Variants in ITPR3 observed in about 807,000 individuals in gnomAD.
The protein encoded by ITPR3 is inositol 1,4,5-trisphosphate-gated calcium channel ITPR3.
Under a neutral mutation model 293.2 loss-of-function variants are expected in ITPR3, and 173 were observed. The observed-to-expected ratio is 0.59, with a 90% CI of 0.52 to 0.67. The LOEUF is 0.67. Ranked by LOEUF, ITPR3 falls within the 30% of genes least tolerant of loss-of-function variation. The pLI is 0.00. For synonymous variants in ITPR3, 1,295 were observed against 1,444.4 expected, an observed-to-expected ratio of 0.90 and a Z score of 2.35; for missense variants, 2,796 against 3,592.1, an observed-to-expected ratio of 0.78 and a Z score of 5.66.
At position 33,686,187 on chromosome 6, in the gene ITPR3, G is replaced by A. The variant is rs753540748; in HGVS notation, c.5802G>A (p.Val1934=). Residue 1934 remains valine (V), a synonymous_variant, in exon 42 of 58, where the codon GTG becomes GTA. Coordinates refer to ENST00000605930, the MANE Select transcript of ITPR3 (RefSeq NM_002224.4). ...GGCTCTACATCAATGAGGACAACGT[G>A]GGCCTCGTCATCCAGACCTTGGAGA... The part of the protein sequence containing the change: ...LLGLYINEDN[V]GLVIQTLETL... The A allele has an allele frequency of 4.3e-6, 7 of 1,614,012 alleles. No individual in the cohort carries two copies. Among genetic ancestry groups the A allele is most frequent in the South Asian group, 2.2e-5 (2 of 91,088 alleles).
rs777784099 is a variant in ITPR3, at chr6:33,686,199, C to T, written c.5814C>T (p.Ile1938=). 6.2e-7 allele frequency: 1 copy of T among 1,614,104 alleles called. No homozygotes were observed. Among genetic ancestry groups the T allele is most frequent in the Non-Finnish European group, 8.5e-7 (1 of 1,180,030 alleles). The change falls in exon 42 of 58, where the codon ATC becomes ATT. Residue 1938 remains isoleucine, a synonymous_variant. Transcript: ENST00000605930. The part of the protein sequence containing the change: ...YINEDNVGLV[I]QTLETLTEYC... ...ATGAGGACAACGTGGGCCTCGTCAT[C>T]CAGACCTTGGAGACCCTCACTGAGT...
chr6:33,679,304 G>A lies in ITPR3; in HGVS notation c.3972+465G>A, dbSNP rs1197902044. Among the ~76,000 whole-genome samples, 2 of 152,128 alleles carry A rather than the reference G, an allele frequency of 1.3e-5. No homozygotes were observed. The highest frequency in any genetic ancestry group is 6.5e-5 in the Admixed American group (1 of 15,276). On this transcript the variant is annotated intron_variant, in intron 30 of 57. Coordinates refer to ENST00000605930, the MANE Select transcript of ITPR3 (RefSeq NM_002224.4). The surrounding 1 kb of genome is among the most constrained non-coding windows in gnomAD (Gnocchi z 4.2). ...TCTCAACAGACACCTGTTGAGTGAAGGCACGAAGGATACAGGGCTGAGTCT... is the reference window on the plus strand; with the variant it reads ...TCTCAACAGACACCTGTTGAGTGAAAGCACGAAGGATACAGGGCTGAGTCT...
rs769275266 is a variant in ITPR3 at position 33,676,820 on chromosome 6, C to T, written c.3335C>T (p.Ser1112Leu). The T allele has an allele frequency of 3.1e-6, 5 of 1,614,018 alleles. No homozygotes were observed. Among genetic ancestry groups the T allele is most frequent in the African/African-American group, 1.3e-5 (1 of 74,922 alleles). Residue 1112 changes from serine (S) to leucine (L), a missense_variant, in exon 26 of 58, where the codon TCG becomes TTG. By Grantham distance (145) the Ser-to-Leu change is moderately radical. Transcript: ENST00000605930. ...QDVENYKVIK[S>L]ELDRLRTMVE... ...GTGGAGAACTACAAGGTGATCAAGTCGGAGCTGGACCGGCTGCGGACCATG... is the reference window on the plus strand; with the variant it reads ...GTGGAGAACTACAAGGTGATCAAGTTGGAGCTGGACCGGCTGCGGACCATG...
At chr6:33,665,257 C>T (rs759846703) in intron 13 of ITPR3, 44 bp downstream of exon 13, 2 of 1,587,716 alleles carry the variant, frequency 1.3e-6, no homozygotes, top group Admixed American at 1.8e-5. Context: ...ATCTTGCCCT[C>T]CCAGGGCCTG....
At position 33,689,356 on chromosome 6, in the gene ITPR3, C is replaced by T; in HGVS notation, c.6813C>T (p.Arg2271=). 6.2e-7 allele frequency: 1 copy of T among 1,612,414 alleles called. No homozygotes were observed. Among genetic ancestry groups the T allele is most frequent in the African/African-American group, 1.3e-5 (1 of 75,068 alleles). The change falls in exon 50 of 58, where the codon CGC becomes CGT. Residue 2271 remains arginine (R), a synonymous_variant. Coordinates refer to ENST00000605930, the MANE Select transcript of ITPR3 (RefSeq NM_002224.4). ...IRPLIVALIL[R]SIYYLGIGPT... ...CCCTCATCGTGGCGCTCATCCTGCG[C>T]TCCATCTACTATCTGGGCATCGGGC... is the stretch of plus-strand genomic sequence containing the variant.
chr6:33,694,421 G>T, intron 56 of ITPR3: 1 of 196,470 alleles, frequency 5.1e-6, no homozygotes, highest in Non-Finnish European at 1.0e-5. Flanking sequence ...CGACTCCTCT[G>T]TCCTGGGAAA....
rs753164175 is a variant in ITPR3, at chr6:33,680,024, T to A, written c.4115T>A (p.Leu1372Gln). The change falls in exon 31 of 58, where the codon CTG (leucine) becomes CAG (glutamine). Residue 1372 changes from leucine (L) to glutamine (Q), a missense_variant. Leu to Gln is a moderately radical substitution (Grantham distance 113, BLOSUM62 -2). Coordinates refer to ENST00000605930, the MANE Select transcript of ITPR3 (RefSeq NM_002224.4). The part of the protein sequence containing the change: ...LMYHISLVDL[L>Q]AACAEGKNVY... ...TACCACATTTCCCTGGTGGACCTGC[T>A]GGCCGCCTGTGCCGAGGGCAAAAAC... 6.2e-7 allele frequency: 1 copy of A among 1,613,882 alleles called. No homozygotes were observed. Among genetic ancestry groups the A allele is most frequent in the South Asian group, 1.1e-5 (1 of 91,080 alleles).
chr6:33,623,590 AGTGC>A (rs1209530995), intron 1 of ITPR3, among the ~76,000 whole-genome samples: 1 of 151,900 alleles, frequency 6.6e-6, no homozygotes, highest in African/African-American at 2.4e-5. Flanking sequence ...AGCCTTCCAA[AGTGC>A]GTGAACCACC....
chr6:33,683,405 TG>T lies in ITPR3; in HGVS notation c.4788+12del. 6.6e-7 allele frequency: 1 copy of T among 1,524,678 alleles called. No individual in the cohort carries two copies. Among genetic ancestry groups the T allele is most frequent in the South Asian group, 1.3e-5 (1 of 79,054 alleles). The allele number at this position is 1,524,678 out of a possible 1,614,324, so 94.4% of individuals were successfully genotyped here. A position where few individuals can be genotyped will look rare whatever the true frequency, so the allele number is the denominator to read the frequency against. ...ATCATTGAGAAGCTGCAGGTGGGTG[TG>T]GGGCTGCCTGGCATCTGCCTCGGGA... On this transcript the variant is annotated intron_variant, in intron 35 of 57. Transcript: ENST00000605930. The surrounding 1 kb of genome is among the most constrained non-coding windows in gnomAD (Gnocchi z 4.5).
rs1411565705 is a variant in ITPR3, at chr6:33,621,428, G to T, written c.-175G>T. On this transcript the variant is annotated 5_prime_UTR_variant, in exon 1 of 58. Transcript: ENST00000605930. This position sits in a 1 kb window ranked among gnomAD's most constrained non-coding sequence, Gnocchi z 7.7. The stretch of plus-strand genomic sequence containing the variant: ...CCTCCTCACCCGGACCCCGGGCCCC[G>T]CCGAGCCGCCTCCTGGCTCCCGTGG... The T allele has an allele frequency of 8.8e-6, 4 of 453,094 alleles. No individual in the cohort carries two copies. The highest frequency in any genetic ancestry group is 1.2e-5 in the Non-Finnish European group (3 of 257,050). The allele number at this position is 453,094 out of a possible 1,614,324, so 28.1% of individuals were successfully genotyped here.
chr6:33,621,913 T>C lies in ITPR3; in HGVS notation c.89+222T>C, dbSNP rs1247366995. Among the ~76,000 whole-genome samples, 2 of 152,118 alleles carry C rather than the reference T, an allele frequency of 1.3e-5. No individual in the cohort carries two copies. Among genetic ancestry groups the C allele is most frequent in the Non-Finnish European group, 2.9e-5 (2 of 68,018 alleles). Reference sequence around the variant, plus strand: ...CTGGAGTTGGCAGGAGGAGCCTCCCTCGGCGGCGCAGCCTCTACCCTCCCG... The same window carrying C: ...CTGGAGTTGGCAGGAGGAGCCTCCCCCGGCGGCGCAGCCTCTACCCTCCCG... On this transcript the variant is annotated intron_variant, in intron 1 of 57. Transcript: ENST00000605930. This position sits in a 1 kb window ranked among gnomAD's most constrained non-coding sequence, Gnocchi z 7.7.
Position 33,683,073 on chromosome 6 carries a change from TG to T in ITPR3, c.4598-126del, listed in dbSNP as rs57615419. On this transcript the variant is annotated intron_variant, in intron 34 of 57. Coordinates refer to ENST00000605930, the MANE Select transcript of ITPR3 (RefSeq NM_002224.4). The surrounding 1 kb of genome is among the most constrained non-coding windows in gnomAD (Gnocchi z 4.5). ...TCAGTCCCTCAAGCATAGGCCGGGGTGGGGGGGGTCTCTGTCTCCCAGACCC... is the reference window on the plus strand; with the variant it reads ...TCAGTCCCTCAAGCATAGGCCGGGGTGGGGGGGTCTCTGTCTCCCAGACCC... The T allele has an allele frequency of 0.7, 398,850 of 567,298 alleles. 142,953 individuals carry two copies. Among genetic ancestry groups the T allele is most frequent in the East Asian group, 0.93 (27,130 of 29,302 alleles). 35.1% of individuals were successfully genotyped at this position (567,298 alleles called of 1,614,324 possible). A position where few individuals can be genotyped will look rare whatever the true frequency, so the allele number is the denominator to read the frequency against.
At chr6:33,685,561 G>GT in intron 40 of ITPR3, 28 bp downstream of exon 40, 1 of 1,604,630 alleles carries the variant, frequency 6.2e-7, no homozygotes, top group Non-Finnish European at 8.5e-7. Flanking sequence ...GAGGCACGGC[G>GT]TGACGGGGAT....
At chr6:33,677,366 C>A in intron 27 of ITPR3, 138 bp from the exon 28 acceptor site, 3 of 1,186,512 alleles carry the variant, frequency 2.5e-6, no homozygotes, top group Non-Finnish European at 3.6e-6. Context: ...TAGCCTGTTG[C>A]AAGGGTCTGA....
In ITPR3 at chr6:33,684,514, C is replaced by T; in HGVS notation, c.5046+49C>T. Reference sequence around the variant, plus strand: ...GCTGGGTGGGCCAGTCAGGAGTACCCAGGGGCTCAGGGTCAAGCCCGTCAG... The same window carrying T: ...GCTGGGTGGGCCAGTCAGGAGTACCTAGGGGCTCAGGGTCAAGCCCGTCAG... On this transcript the variant is annotated intron_variant, in intron 37 of 57. Coordinates refer to ENST00000605930, the MANE Select transcript of ITPR3 (RefSeq NM_002224.4). The surrounding 1 kb of genome is among the most constrained non-coding windows in gnomAD (Gnocchi z 4.2). 1 of 1,604,920 alleles carries T rather than the reference C, an allele frequency of 6.2e-7. No homozygotes were observed. The highest frequency in any genetic ancestry group is 8.5e-7 in the Non-Finnish European group (1 of 1,171,806).
intron 1 of ITPR3, among the ~76,000 whole-genome samples, chr6:33,637,762 G>A (rs1179912667): frequency 6.6e-6 from 1 of 151,902 alleles, no homozygotes; most frequent in East Asian, 1.9e-4. Flanking sequence ...CGAGTAGCTG[G>A]GGTTACAAGA....
In ITPR3 at chr6:33,675,760, C is replaced by T. The variant is rs1280406742; in HGVS notation, c.3186C>T (p.Leu1062=). ...TGTTCCTGCGCGTGCTCATCCACCT[C>T]ACCATGCACGACTATGCGCCGCTGG... ...GRMFLRVLIH[L]TMHDYAPLVS... Residue 1062 remains leucine, a synonymous_variant, in exon 25 of 58, where the codon CTC becomes CTT. Coordinates refer to ENST00000605930, the MANE Select transcript of ITPR3 (RefSeq NM_002224.4). This position sits in a 1 kb window ranked among gnomAD's most constrained non-coding sequence, Gnocchi z 5.0. 6.2e-7 allele frequency: 1 copy of T among 1,613,242 alleles called. No homozygotes were observed. Among genetic ancestry groups the T allele is most frequent in the Admixed American group, 1.7e-5 (1 of 60,006 alleles).
At chr6:33,668,051 C>T in intron 16 of ITPR3, 87 bp downstream of exon 16, 4 of 1,457,606 alleles carry the variant, frequency 2.7e-6, no homozygotes, top group East Asian at 2.3e-5. Flanking sequence ...GTGAACTATT[C>T]CTGCACCTGT....
intron 23 of ITPR3, 50 bp from the exon 24 acceptor site, chr6:33,674,157 CT>C (rs986603315): frequency 6.2e-7 from 1 of 1,606,634 alleles, no homozygotes; most frequent in African/African-American, 1.3e-5. Context: ...GTGCTCCCCT[CT>C]TTCCCGGGCT....
Sources: allele counts gnomAD v4.1 joint callset (sites outside exome capture counted in the v4.1 genomes callset), GRCh38; gene constraint gnomAD v4.1.1; non-coding constraint Gnocchi (gnomAD v3.1); transcripts MANE v1.5; gene names NCBI Gene and HGNC (gene_info 2026-07-23, HGNC 2026-07-21).